The following ANO3 variants were observed in gnomAD, a reference collection of about 807,000 sequenced individuals.
The protein encoded by ANO3 is anoctamin-3.
Under a neutral mutation model 144.8 loss-of-function variants are expected in ANO3, and 99 were observed. That is an observed-to-expected ratio of 0.68 (90% CI 0.58 to 0.81). ANO3 has a LOEUF of 0.81. Ranked by LOEUF, ANO3 falls within the 30% of genes least tolerant of loss-of-function variation. The pLI is 0.00. For missense variants in ANO3, 905 were observed against 1,202.2 expected (o/e 0.75, Z 3.66); for synonymous variants, 414 against 392.6 (o/e 1.05, Z -0.64).
chr11:26,340,636 A>C (rs115982308), intron 1 of ANO3, among the ~76,000 whole-genome samples: 3 of 152,110 alleles, frequency 2.0e-5, no homozygotes, highest in African/African-American at 7.2e-5. Flanking sequence ...TATTATAACT[A>C]TGTGCACATT....
intron 1 of ANO3, among the ~76,000 whole-genome samples, chr11:26,438,611 A>AAAAAAAAAAAAAAAAAAAAAAAAAG (rs1858389741): frequency 2.8e-5 from 1 of 35,512 alleles, no homozygotes; most frequent in African/African-American, 7.9e-5. Flanking sequence ...AAAAAAAAGA[A>AAAAAAAAAAAAAAAAAAAAAAAAAG]AAAAAAAAAA....
chr11:26,549,080 C>G lies in ANO3; in HGVS notation c.1289+1530C>G, dbSNP rs547400784. Among the ~76,000 whole-genome samples the G allele has an allele frequency of 3.9e-5, 6 of 152,068 alleles. No individual in the cohort carries two copies. The East Asian group carries it at 1.2e-3, about 29-fold the overall frequency. On this transcript the variant is annotated intron_variant, in intron 12 of 26. Coordinates refer to ENST00000256737, the MANE Select transcript of ANO3 (RefSeq NM_031418.4). The stretch of plus-strand genomic sequence containing the variant: ...TTAGCATATGATACAGACTTCCCCA[C>G]TCCACCACTACAAAGCTGAAAATGA...
chr11:26,436,070 A>T (rs1272051095), intron 1 of ANO3, among the ~76,000 whole-genome samples: 1 of 152,152 alleles, frequency 6.6e-6, no homozygotes, highest in African/African-American at 2.4e-5. Flanking sequence ...ATGTGGGGGC[A>T]GGGAGGTTGT....
At chr11:26,309,244 C>T (rs140943695), upstream of ANO3, among the ~76,000 whole-genome samples, 1,291 of 152,168 alleles carry the variant, frequency 8.5e-3, 10 homozygotes, top group Non-Finnish European at 0.012. Context: ...TCAATAATTC[C>T]GGTGATTTAG....
At chr11:26,585,536 T>C (rs749097925) in intron 14 of ANO3, among the ~76,000 whole-genome samples, 1 of 151,888 alleles carries the variant, frequency 6.6e-6, no homozygotes, top group African/African-American at 2.4e-5. Flanking sequence ...ATATATCAGA[T>C]TTCTGTGCTT....
intron 1 of ANO3, among the ~76,000 whole-genome samples, chr11:26,293,051 A>C (rs1206430313): frequency 2.0e-5 from 3 of 152,090 alleles, no homozygotes; most frequent in Middle Eastern, 3.2e-3. Flanking sequence ...ATCTTCACCC[A>C]CCCCATATCT....
intron 3 of ANO3, among the ~76,000 whole-genome samples, chr11:26,459,471 G>T (rs1003523627): frequency 2.0e-5 from 3 of 151,892 alleles, no homozygotes; most frequent in Non-Finnish European, 4.4e-5. Flanking sequence ...CAGGATTTGG[G>T]CATTTAAATC....
At chr11:26,507,563 A>G (rs1340643755) in intron 4 of ANO3, among the ~76,000 whole-genome samples, 6 of 152,210 alleles carry the variant, frequency 3.9e-5, no homozygotes, top group Non-Finnish European at 8.8e-5. Context: ...TACATTTAGG[A>G]AAATAATGCC....
intron 24 of ANO3, among the ~76,000 whole-genome samples, chr11:26,649,749 T>A (rs4354651): frequency 0.79 from 117,720 of 149,730 alleles, 46,948 homozygotes; most frequent in East Asian, 0.88. Flanking sequence ...AAAAAAAATA[T>A]ATATTCATAG....
At chr11:26,589,344 C>T (rs1277358325) in intron 14 of ANO3, among the ~76,000 whole-genome samples, 1 of 140,694 alleles carries the variant, frequency 7.1e-6, no homozygotes, top group African/African-American at 2.5e-5. Context: ...TATTTTTTTT[C>T]TAACCAATAC....
intron 14 of ANO3, chr11:26,560,160 A>G (rs1451528968): frequency 5.6e-6 from 1 of 177,998 alleles, no homozygotes; most frequent in Non-Finnish European, 1.2e-5. Flanking sequence ...TTTTAACCTT[A>G]TGGTTCATAC....
At chr11:26,582,067 TATC>T (rs757076982) in intron 14 of ANO3, among the ~76,000 whole-genome samples, 7 of 152,230 alleles carry the variant, frequency 4.6e-5, no homozygotes, top group Non-Finnish European at 7.3e-5. Flanking sequence ...AGCAGAATTT[TATC>T]ATCATTTAGT....
intron 1 of ANO3, among the ~76,000 whole-genome samples, chr11:26,353,897 C>T (rs931151938): frequency 6.6e-6 from 1 of 152,150 alleles, no homozygotes; most frequent in African/African-American, 2.4e-5. Context: ...CTGTCACTAC[C>T]AATTTTAACA....
At chr11:26,604,699 A>G (rs967376478) in intron 17 of ANO3, among the ~76,000 whole-genome samples, 7 of 152,018 alleles carry the variant, frequency 4.6e-5, no homozygotes, top group South Asian at 2.1e-4. Context: ...TTCATTTATG[A>G]TTTGGCTCTC....
intron 4 of ANO3, among the ~76,000 whole-genome samples, chr11:26,495,835 A>C (rs896605042): frequency 6.6e-6 from 1 of 152,158 alleles, no homozygotes; most frequent in Non-Finnish European, 1.5e-5. Flanking sequence ...AGATTATATT[A>C]TTTGCCTTCT....
intron 11 of ANO3, among the ~76,000 whole-genome samples, chr11:26,544,281 TACACACACACACACAC>T (rs34866679): frequency 1.1e-3 from 92 of 86,760 alleles, no homozygotes; most frequent in South Asian, 2.1e-3. Flanking sequence ...TATACACACA[TACACACACACACACAC>T]ATATGTATAT....
intron 24 of ANO3, among the ~76,000 whole-genome samples, chr11:26,654,668 G>A (rs1240128507): frequency 2.6e-5 from 4 of 151,962 alleles, no homozygotes; most frequent in Non-Finnish European, 4.4e-5. Flanking sequence ...TCTTCTCCCT[G>A]GCTTCAGGAG....
At chr11:26,233,481 T>C (rs12223130) in intron 1 of ANO3, among the ~76,000 whole-genome samples, 2,304 of 152,286 alleles carry the variant, frequency 0.015, 48 homozygotes, top group East Asian at 0.12. Flanking sequence ...GAAATGCTTT[T>C]ACACTGTTGA....
chr11:26,453,052 C>G (rs932701360), intron 3 of ANO3, among the ~76,000 whole-genome samples: 1 of 151,590 alleles, frequency 6.6e-6, no homozygotes, highest in African/African-American at 2.4e-5. Flanking sequence ...CACCACCAGG[C>G]CTGCCCTAAA....
Sources: gnomAD v4.1 joint callset for allele counts (sites outside exome capture counted in the v4.1 genomes callset) on GRCh38, gnomAD v4.1.1 for gene constraint, MANE v1.5 for transcripts, NCBI Gene and HGNC (gene_info 2026-07-23, HGNC 2026-07-21) for gene names.